The following STRN3 variants were observed in gnomAD, a reference collection of about 807,000 sequenced individuals.
STRN3 encodes striatin 3.
Under a neutral mutation model 95.6 loss-of-function variants are expected in STRN3, and 29 were observed. The ratio of observed to expected loss-of-function variants is 0.30; its 90% CI spans 0.23 to 0.41. The LOEUF (loss-of-function observed/expected upper bound fraction) is 0.41, where lower values mean the gene tolerates loss of function less well. Ranked by LOEUF, STRN3 falls within the 10% of genes least tolerant of loss-of-function variation. STRN3 has a pLI of 1.00. For synonymous variants in STRN3, 331 were observed against 357.6 expected, an observed-to-expected ratio of 0.93 and a Z score of 0.84; for missense variants, 890 against 972.1, an observed-to-expected ratio of 0.92 and a Z score of 1.12.
At position 30,895,298 on chromosome 14, in the gene STRN3, G is replaced by C. The variant is rs1332437656; in HGVS notation, c.*113C>G. The C allele has an allele frequency of 3.7e-6, 4 of 1,076,548 alleles. No homozygotes were observed. In the African/African-American group the frequency reaches 6.3e-5, roughly 17 times the overall value. 66.7% of individuals were successfully genotyped at this position (1,076,548 alleles called of 1,614,324 possible). A position where few individuals can be genotyped will look rare whatever the true frequency, so the allele number is the denominator to read the frequency against. On this transcript the variant is annotated 3_prime_UTR_variant, in exon 18 of 18. Coordinates refer to ENST00000357479, the MANE Select transcript of STRN3 (RefSeq NM_001083893.2). ...CACCAATTTGTGCCTGCCCCAGATA[G>C]CCTTCACCAGGCAGATCACATGTAG...
At chr14:30,964,895 T>C (rs943430720) in intron 1 of STRN3, among the ~76,000 whole-genome samples, 2 of 149,574 alleles carry the variant, frequency 1.3e-5, no homozygotes, top group African/African-American at 2.5e-5. Context: ...CTCCAGCCAG[T>C]GCACAACAGG....
intron 13 of STRN3, among the ~76,000 whole-genome samples, chr14:30,909,905 C>G: frequency 6.6e-6 from 1 of 152,170 alleles, no homozygotes; most frequent in East Asian, 1.9e-4. Flanking sequence ...ATCAATAAAT[C>G]CTGTCTATTC....
At position 30,987,480 on chromosome 14, in the gene STRN3, C is replaced by T. The variant is rs974942931; in HGVS notation, c.283-31238G>A. 1.1e-3 allele frequency among the ~76,000 whole-genome samples: 161 copies of T among 151,760 alleles called. 1 individual carries two copies. The highest frequency in any genetic ancestry group is 3.8e-3 in the African/African-American group (157 of 41,384). ...TGAGATCGCGCCACTGCACTTCAGC[C>T]TGGGTGACAGAGCGAGACTCCATCT... On this transcript the variant is annotated intron_variant, in intron 1 of 17. Transcript: ENST00000357479.
At chr14:30,907,912 C>G (rs980355346) in intron 13 of STRN3, among the ~76,000 whole-genome samples, 1 of 152,200 alleles carries the variant, frequency 6.6e-6, no homozygotes, top group African/African-American at 2.4e-5. Context: ...CTTATCATCT[C>G]CACAATTCTC....
At chr14:30,949,671 T>C (rs1245598888) in intron 4 of STRN3, among the ~76,000 whole-genome samples, 1 of 124,826 alleles carries the variant, frequency 8.0e-6, no homozygotes, top group Non-Finnish European at 1.8e-5. Context: ...GTGATAGACA[T>C]AGACTCCGTT....
At chr14:30,992,404 C>CAA (rs540582497) in intron 1 of STRN3, among the ~76,000 whole-genome samples, 1 of 123,712 alleles carries the variant, frequency 8.1e-6, no homozygotes, top group African/African-American at 3.0e-5. Context: ...GACTCTGTCT[C>CAA]AAAAAAAAAA....
intron 1 of STRN3, among the ~76,000 whole-genome samples, chr14:31,016,915 G>C (rs896826606): frequency 6.6e-6 from 1 of 152,186 alleles, no homozygotes; most frequent in African/African-American, 2.4e-5. Flanking sequence ...AGCACTTTGG[G>C]AGGCCAAGGA....
In STRN3 at chr14:30,895,768, G is replaced by T; in HGVS notation, c.2138-20C>A. 2 of 1,591,810 alleles carry T rather than the reference G, an allele frequency of 1.3e-6. No individual in the cohort carries two copies. Among genetic ancestry groups the T allele is most frequent in the South Asian group, 1.1e-5 (1 of 87,138 alleles). On this transcript the variant is annotated intron_variant, in intron 16 of 17. Coordinates refer to ENST00000357479, the MANE Select transcript of STRN3 (RefSeq NM_001083893.2). The stretch of plus-strand genomic sequence containing the variant: ...TTTTACCTAAACAAAACATAACAGA[G>T]AACTGATTAAGTTTTCACAAATACT...
intron 14 of STRN3, 63 bp from the exon 15 acceptor site, chr14:30,905,621 T>C (rs537842133): frequency 9.9e-6 from 15 of 1,519,574 alleles, no homozygotes; most frequent in East Asian, 2.4e-5. Flanking sequence ...TCTCTACTTT[T>C]TGAAATCTCT....
At chr14:30,899,185 A>T (rs1178124087) in intron 16 of STRN3, among the ~76,000 whole-genome samples, 3 of 152,206 alleles carry the variant, frequency 2.0e-5, no homozygotes, top group African/African-American at 4.8e-5. Flanking sequence ...GAATGAGTCC[A>T]CAGCTGATAC....
chr14:30,997,891 T>C (rs1198808797), intron 1 of STRN3, among the ~76,000 whole-genome samples: 5 of 152,132 alleles, frequency 3.3e-5, no homozygotes, highest in African/African-American at 9.7e-5. Flanking sequence ...CATGGCAAAG[T>C]TGTAAAAATC....
chr14:30,944,414 CTTATG>C (rs1024946796), intron 5 of STRN3, among the ~76,000 whole-genome samples: 1 of 150,906 alleles, frequency 6.6e-6, no homozygotes, highest in African/African-American at 2.4e-5. Context: ...AAATCAAAGG[CTTATG>C]TTAACTTTAA....
chr14:30,894,398 T>G lies in STRN3; in HGVS notation c.*1013A>C, dbSNP rs1380597823. The stretch of plus-strand genomic sequence containing the variant: ...TCCAAAATAGATATACAGGTTCCTT[T>G]AGCACATTAATAAAAGGATATAAAG... On this transcript the variant is annotated 3_prime_UTR_variant, in exon 18 of 18. Transcript: ENST00000357479. 1.3e-5 allele frequency: 2 copies of G among 152,660 alleles called. No individual in the cohort carries two copies. Among genetic ancestry groups the G allele is most frequent in the Non-Finnish European group, 2.9e-5 (2 of 68,070 alleles). The allele number at this position is 152,660 out of a possible 1,614,324, so 9.5% of individuals were successfully genotyped here. A position where few individuals can be genotyped will look rare whatever the true frequency, so the allele number is the denominator to read the frequency against.
chr14:31,023,850 C>T (rs866640578), intron 1 of STRN3, among the ~76,000 whole-genome samples: 5 of 134,840 alleles, frequency 3.7e-5, no homozygotes, highest in South Asian at 2.3e-4. Flanking sequence ...AAAAAACCAA[C>T]GCCATCATGA....
chr14:30,991,783 A>G (rs775552177), intron 1 of STRN3, among the ~76,000 whole-genome samples: 12 of 152,138 alleles, frequency 7.9e-5, no homozygotes, highest in Non-Finnish European at 1.8e-4. Flanking sequence ...AGAAGAAGCC[A>G]TATTATAAAA....
chr14:30,913,572 T>A lies in STRN3; in HGVS notation c.1326A>T (p.Gly442=). Residue 442 remains glycine (G), a synonymous_variant, in exon 10 of 18, where the codon GGA becomes GGT. Coordinates refer to ENST00000357479, the MANE Select transcript of STRN3 (RefSeq NM_001083893.2). ...DDVLLSVLGL[G]DLADLTVTND... is the part of the protein sequence containing the mutation. ...TTGTTACCGTCAAGTCTGCAAGGTCTCCAAGGCCCAGTACACTTAACAAAA... is the reference window on the plus strand; with the variant it reads ...TTGTTACCGTCAAGTCTGCAAGGTCACCAAGGCCCAGTACACTTAACAAAA... The A allele has an allele frequency of 6.2e-7, 1 of 1,613,870 alleles. No homozygotes were observed. The highest frequency in any genetic ancestry group is 1.1e-5 in the South Asian group (1 of 91,030).
intron 16 of STRN3, among the ~76,000 whole-genome samples, chr14:30,902,149 C>A (rs1489428194): frequency 9.0e-6 from 1 of 111,650 alleles, no homozygotes; most frequent in Non-Finnish European, 1.7e-5. Flanking sequence ...CCAGCCTGGG[C>A]AACAAGAGCA....
chr14:31,010,929 C>G (rs1882941035), intron 1 of STRN3, among the ~76,000 whole-genome samples: 1 of 152,322 alleles, frequency 6.6e-6, no homozygotes, highest in South Asian at 2.1e-4. Flanking sequence ...ATCCTAGCTA[C>G]TCAGGAGGGT....
intron 4 of STRN3, among the ~76,000 whole-genome samples, chr14:30,947,908 G>A (rs1879444474): frequency 1.3e-5 from 2 of 152,140 alleles, no homozygotes; most frequent in Admixed American, 6.5e-5. Flanking sequence ...ATGGTTCTGT[G>A]ACAAATTAAA....
Sources: gnomAD v4.1 joint callset for allele counts (sites outside exome capture counted in the v4.1 genomes callset) on GRCh38, gnomAD v4.1.1 for gene constraint, MANE v1.5 for transcripts, NCBI Gene and HGNC (gene_info 2026-07-23, HGNC 2026-07-21) for gene names.